NAA15: variants seen among roughly 807,000 people sequenced by gnomAD.
The protein encoded by NAA15 is N-terminal acetyltransferase.
NAA15 carries 34 observed loss-of-function variants against 114.0 expected under a neutral mutation model. The ratio of observed to expected loss-of-function variants is 0.30; its 90% CI spans 0.23 to 0.40. The LOEUF is 0.40. Ranked by LOEUF, NAA15 falls within the 10% of genes least tolerant of loss-of-function variation. The pLI, the probability that NAA15 is intolerant of heterozygous loss-of-function variation, is 1.00. For missense variants in NAA15, 658 were observed against 1,004.5 expected, an observed-to-expected ratio of 0.66 and a Z score of 4.66; for synonymous variants, 340 against 338.0, an observed-to-expected ratio of 1.01 and a Z score of -0.06.
At chr4:139,322,109 A>G (rs1746637476) in intron 1 of NAA15, among the ~76,000 whole-genome samples, 1 of 152,178 alleles carries the variant, frequency 6.6e-6, no homozygotes, top group African/African-American at 2.4e-5. Flanking sequence ...AAGTTTTAAT[A>G]AAGATGGGTT....
chr4:139,305,537 TTG>T (rs1277948917), intron 1 of NAA15, among the ~76,000 whole-genome samples: 3 of 145,994 alleles, frequency 2.1e-5, no homozygotes, highest in Non-Finnish European at 3.0e-5. Context: ...TGGTAACTTG[TTG>T]TTTTTTTTTT....
intron 15 of NAA15, 81 bp downstream of exon 15, chr4:139,370,485 G>A: frequency 7.5e-7 from 1 of 1,340,922 alleles, no homozygotes; most frequent in Non-Finnish European, 9.8e-7. Context: ...TTATTTGACA[G>A]TATATAACCT....
At chr4:139,315,051 G>GTTAGGTTAGTTTAGTTTAGT (rs1553992557) in intron 1 of NAA15, among the ~76,000 whole-genome samples, 12 of 112,448 alleles carry the variant, frequency 1.1e-4, no homozygotes, top group South Asian at 8.0e-4. Flanking sequence ...GTTAGGTTAG[G>GTTAGGTTAGTTTAGTTTAGT]TTAGTTTAGT....
At position 139,323,474 on chromosome 4, in the gene NAA15, G is replaced by A. The variant is rs368796788; in HGVS notation, c.55-10700G>A. On this transcript the variant is annotated intron_variant, in intron 1 of 19. Transcript: ENST00000296543. Reference sequence around the variant, plus strand: ...CTCCCAAAGTGCTGGGATTACAGGCGTGAGCCACCGTGTCCAACTCCTGTG... The same window carrying A: ...CTCCCAAAGTGCTGGGATTACAGGCATGAGCCACCGTGTCCAACTCCTGTG... Among the ~76,000 whole-genome samples, 107 of 152,190 alleles carry A rather than the reference G, an allele frequency of 7.0e-4. No homozygotes were observed. The South Asian group carries it at 0.02, about 29-fold the overall frequency.
chr4:139,326,558 C>G (rs1228947848), intron 1 of NAA15, among the ~76,000 whole-genome samples: 1 of 152,136 alleles, frequency 6.6e-6, no homozygotes, highest in Non-Finnish European at 1.5e-5. Context: ...GAAACCAGAG[C>G]CTTTGATTCC....
chr4:139,367,679 A>T (rs766404586), intron 14 of NAA15, among the ~76,000 whole-genome samples: 5 of 152,204 alleles, frequency 3.3e-5, no homozygotes, highest in South Asian at 2.1e-4. Context: ...GTAACAAAAG[A>T]TTGTAATGCC....
At chr4:139,351,632 T>G (rs1292927841) in intron 9 of NAA15, 21 bp downstream of exon 9, 2 of 1,190,036 alleles carry the variant, frequency 1.7e-6, no homozygotes, top group East Asian at 4.7e-5. Flanking sequence ...ATATGATACT[T>G]TCTTTTGGCT....
At chr4:139,349,721 G>C in intron 7 of NAA15, 140 bp downstream of exon 7, 89 of 803,346 alleles carry the variant, frequency 1.1e-4, no homozygotes, top group Non-Finnish European at 1.4e-4. Flanking sequence ...GCAGTGGCTC[G>C]TGCCTGTAAT....
chr4:139,378,311 C>G (rs1748647590), intron 16 of NAA15, among the ~76,000 whole-genome samples: 1 of 152,040 alleles, frequency 6.6e-6, no homozygotes, highest in African/African-American at 2.4e-5. Flanking sequence ...ACTATTCTAC[C>G]TTTAGAGGAG....
intron 2 of NAA15, among the ~76,000 whole-genome samples, chr4:139,335,797 T>C (rs1336703939): frequency 6.6e-6 from 1 of 151,900 alleles, no homozygotes; most frequent in African/African-American, 2.4e-5. Context: ...TCTCACTCTG[T>C]TGCCCAGGCT....
rs367664791 is a variant in NAA15 at position 139,361,949 on chromosome 4, A to T, written c.1753+12A>T. ...CGAAGCTGATACAGGTATAATATTCAGAGTTCTTCTTGTGCTCTGATGTGT... is the reference window on the plus strand; with the variant it reads ...CGAAGCTGATACAGGTATAATATTCTGAGTTCTTCTTGTGCTCTGATGTGT... On this transcript the variant is annotated intron_variant, in intron 14 of 19. Coordinates refer to ENST00000296543, the MANE Select transcript of NAA15 (RefSeq NM_057175.5). The T allele has an allele frequency of 1.4e-4, 144 of 1,046,294 alleles. No individual in the cohort carries two copies. The highest frequency in any genetic ancestry group is 3.3e-4 in the Admixed American group (15 of 45,266). 64.8% of individuals were successfully genotyped at this position (1,046,294 alleles called of 1,614,324 possible). A position where few individuals can be genotyped will look rare whatever the true frequency, so the allele number is the denominator to read the frequency against.
chr4:139,375,665 G>A (rs1748562007), intron 15 of NAA15, among the ~76,000 whole-genome samples: 1 of 151,968 alleles, frequency 6.6e-6, no homozygotes, highest in East Asian at 1.9e-4. Flanking sequence ...ATATGGTGGT[G>A]GTCTCCAGCC....
intron 15 of NAA15, among the ~76,000 whole-genome samples, chr4:139,374,248 C>T (rs1303346056): frequency 6.6e-6 from 1 of 152,152 alleles, no homozygotes; most frequent in East Asian, 1.9e-4. Flanking sequence ...TTAAATTGCC[C>T]ATTAAGTGCA....
intron 6 of NAA15, among the ~76,000 whole-genome samples, chr4:139,346,875 A>G (rs572415388): frequency 1.3e-5 from 2 of 152,308 alleles, no homozygotes; most frequent in South Asian, 4.1e-4. Context: ...CTGCTCAGAA[A>G]AGGTAGAAGA....
rs898194780 is a variant in NAA15 at position 139,301,937 on chromosome 4, C to T, written c.54+106C>T. ...GCACTGAGCCACTCCCGCCCGGGAC[C>T]CCGCCTTCATAGCTCTCGTCAGGCC... On this transcript the variant is annotated intron_variant, in intron 1 of 19. Transcript: ENST00000296543. 17 of 1,253,656 alleles carry T rather than the reference C, an allele frequency of 1.4e-5. No homozygotes were observed. In the South Asian group the frequency reaches 1.6e-4, roughly 12 times the overall value. 77.7% of individuals were successfully genotyped at this position (1,253,656 alleles called of 1,614,324 possible).
chr4:139,385,411 A>G (rs1031430970), intron 18 of NAA15, among the ~76,000 whole-genome samples: 1 of 150,772 alleles, frequency 6.6e-6, no homozygotes, highest in Admixed American at 6.6e-5. Context: ...TGGCATTACA[A>G]AGAAGCAGGT....
intron 1 of NAA15, among the ~76,000 whole-genome samples, chr4:139,327,730 A>G (rs1314541955): frequency 1.3e-5 from 2 of 152,120 alleles, no homozygotes; most frequent in Non-Finnish European, 2.9e-5. Context: ...CAGTGGCACA[A>G]TCTCAGCTCA....
Position 139,387,957 on chromosome 4 carries a change from G to C in NAA15, c.2474G>C (p.Arg825Thr). Reference sequence around the variant, plus strand: ...TGTAAAGAAGCTGCTGAAATTTATAGAGCAAATTGTCATAAGCTTTTCCCT... The same window carrying C: ...TGTAAAGAAGCTGCTGAAATTTATACAGCAAATTGTCATAAGCTTTTCCCT... The part of the protein sequence containing the change: ...GDCKEAAEIY[R>T]ANCHKLFPYA... Residue 825 changes from arginine (R) to threonine (T), a missense_variant, in exon 20 of 20, where the codon AGA becomes ACA. Coordinates refer to ENST00000296543, the MANE Select transcript of NAA15 (RefSeq NM_057175.5). 1 of 1,614,004 alleles carries C rather than the reference G, an allele frequency of 6.2e-7. No homozygotes were observed. Among genetic ancestry groups the C allele is most frequent in the Non-Finnish European group, 8.5e-7 (1 of 1,179,946 alleles).
chr4:139,337,018 G>A, intron 3 of NAA15, 66 bp downstream of exon 3: 1 of 1,012,676 alleles, frequency 9.9e-7, no homozygotes, highest in South Asian at 1.9e-5. Context: ...CAATTTGAGA[G>A]TCAAAGTTTT....
Sources: allele counts gnomAD v4.1 joint callset (sites outside exome capture counted in the v4.1 genomes callset), GRCh38; gene constraint gnomAD v4.1.1; transcripts MANE v1.5; gene names NCBI Gene and HGNC (gene_info 2026-07-23, HGNC 2026-07-21).